The following PRKACB variants were observed in gnomAD, a reference collection of about 807,000 sequenced individuals.
PRKACB encodes the protein protein kinase cAMP-activated catalytic subunit beta, also known as cAMP-dependent protein kinase catalytic subunit beta.
A neutral mutation model predicts 51.4 loss-of-function variants in PRKACB; 16 were observed. The ratio of observed to expected loss-of-function variants is 0.31; its 90% confidence interval spans 0.21 to 0.47. The LOEUF (loss-of-function observed/expected upper bound fraction) is 0.47, where lower values mean the gene tolerates loss of function less well. Among genes scored for constraint, PRKACB ranks in the 20% least tolerant of loss-of-function variants. PRKACB has a pLI of 1.00. For synonymous variants in PRKACB, 147 were observed against 154.4 expected (o/e 0.95, Z 0.35); for missense variants, 309 against 464.5 (o/e 0.67, Z 3.08).
chr1:84,131,869 T>C (rs1652251178), intron 1 of PRKACB, among the ~76,000 whole-genome samples: 1 of 152,220 alleles, frequency 6.6e-6, no homozygotes, highest in Admixed American at 6.5e-5. Flanking sequence ...GTTTTGCTTC[T>C]ATGTATTTTA....
intron 2 of PRKACB, among the ~76,000 whole-genome samples, chr1:84,179,899 A>G (rs1160385658): frequency 6.6e-6 from 1 of 150,922 alleles, no homozygotes; most frequent in African/African-American, 2.4e-5. Flanking sequence ...GCATCCATCA[A>G]CCCGTCATCT....
chr1:84,107,166 A>G (rs1171063211), intron 1 of PRKACB, among the ~76,000 whole-genome samples: 2 of 152,132 alleles, frequency 1.3e-5, no homozygotes, highest in Non-Finnish European at 2.9e-5. Flanking sequence ...TAAAACATAT[A>G]TAAAATGGAT....
intron 9 of PRKACB, among the ~76,000 whole-genome samples, chr1:84,234,520 C>T (rs1394080575): frequency 6.6e-6 from 1 of 152,248 alleles, no homozygotes. Context: ...AGCCTCACTG[C>T]CACCTTGCAG....
chr1:84,223,866 T>C (rs1674144890), intron 9 of PRKACB, among the ~76,000 whole-genome samples: 1 of 152,242 alleles, frequency 6.6e-6, no homozygotes, highest in Non-Finnish European at 1.5e-5. Flanking sequence ...AATTATGTTC[T>C]TTTGGAGGTG....
intron 1 of PRKACB, among the ~76,000 whole-genome samples, chr1:84,120,584 A>G (rs1392218181): frequency 6.6e-6 from 1 of 152,128 alleles, no homozygotes; most frequent in African/African-American, 2.4e-5. Flanking sequence ...GACTATGAAT[A>G]TGAAAGCATT....
intron 1 of PRKACB, among the ~76,000 whole-genome samples, chr1:84,136,085 G>A (rs1381539784): frequency 6.6e-6 from 1 of 151,916 alleles, no homozygotes; most frequent in Non-Finnish European, 1.5e-5. Context: ...GCATCCATGG[G>A]CATTAAAAAG....
At chr1:84,155,485 A>G (rs1655383756) in intron 1 of PRKACB, among the ~76,000 whole-genome samples, 1 of 152,216 alleles carries the variant, frequency 6.6e-6, no homozygotes, top group Non-Finnish European at 1.5e-5. Flanking sequence ...CCAAAGTTTC[A>G]ATGACAGGTT....
rs2100869766 is a variant in PRKACB, at chr1:84,117,505, C to G, written c.46+39134C>G. On this transcript the variant is annotated intron_variant, in intron 1 of 8. Transcript: ENST00000370688. ...CTTGTTATTGAACTATTCAGATTTT[C>G]TATTTCTTCCTGATTTCATGTTAGT... 1.3e-5 allele frequency among the ~76,000 whole-genome samples: 2 copies of G among 152,214 alleles called. 1 individual carries two copies. The highest frequency in any genetic ancestry group is 1.3e-4 in the Admixed American group (2 of 15,292).
intron 1 of PRKACB, 121 bp from the exon 2 acceptor site, chr1:84,179,056 T>C: frequency 8.7e-7 from 1 of 1,151,810 alleles, no homozygotes; most frequent in Non-Finnish European, 1.2e-6. Context: ...TAAATATACA[T>C]TTTATCACAA....
intron 2 of PRKACB, 82 bp from the exon 3 acceptor site, chr1:84,182,118 T>A: frequency 1.9e-6 from 2 of 1,032,894 alleles, no homozygotes; most frequent in Non-Finnish European, 2.6e-6. Flanking sequence ...TTATCCATTA[T>A]GATTATGTAT....
chr1:84,220,725 A>G (rs892552066), intron 9 of PRKACB, among the ~76,000 whole-genome samples: 6 of 152,086 alleles, frequency 3.9e-5, no homozygotes, highest in Non-Finnish European at 8.8e-5. Flanking sequence ...TCATTCTACT[A>G]AAGTGATGTA....
chr1:84,186,468 C>T (rs1665149674), intron 5 of PRKACB, among the ~76,000 whole-genome samples: 1 of 152,066 alleles, frequency 6.6e-6, no homozygotes, highest in Non-Finnish European at 1.5e-5. Context: ...ATCCACCCTC[C>T]TTGGCCTCCC....
At chr1:84,157,200 C>T (rs1235089736) in intron 1 of PRKACB, 1 of 152,078 alleles carries the variant, frequency 6.6e-6, no homozygotes, top group African/African-American at 2.4e-5. Flanking sequence ...TCTCTGTTTA[C>T]CACAGAGTAT....
chr1:84,163,222 TTTCCA>T (rs1481836018), intron 1 of PRKACB, among the ~76,000 whole-genome samples: 1 of 151,994 alleles, frequency 6.6e-6, no homozygotes, highest in East Asian at 1.9e-4. Flanking sequence ...CAGCTTTAAC[TTTCCA>T]CTGGGCCCTC....
intron 1 of PRKACB, chr1:84,078,434 C>T (rs1445023721): frequency 5.7e-6 from 9 of 1,577,138 alleles, no homozygotes; most frequent in Non-Finnish European, 7.8e-6. Flanking sequence ...CGAGCGCCCT[C>T]CGGGTCGCAG....
At chr1:84,162,459 C>A (rs1656322060) in intron 1 of PRKACB, among the ~76,000 whole-genome samples, 1 of 151,934 alleles carries the variant, frequency 6.6e-6, no homozygotes, top group African/African-American at 2.4e-5. Context: ...GTTTCTCAGG[C>A]TCTGTCCACT....
At position 84,209,322 on chromosome 1, in the gene PRKACB, T is replaced by C. The variant is rs556720133; in HGVS notation, c.907-4831T>C. 4.6e-5 allele frequency among the ~76,000 whole-genome samples: 7 copies of C among 152,224 alleles called. No homozygotes were observed. In the South Asian group the frequency reaches 1.5e-3, roughly 32 times the overall value. Reference sequence around the variant, plus strand: ...AATCTTCACTTGGATATCTGATACCTCAAATTCAACCTGTCTAAAACTGAC... The same window carrying C: ...AATCTTCACTTGGATATCTGATACCCCAAATTCAACCTGTCTAAAACTGAC... On this transcript the variant is annotated intron_variant, in intron 8 of 9. Coordinates refer to ENST00000370685, the MANE Select transcript of PRKACB (RefSeq NM_182948.4).
intron 1 of PRKACB, among the ~76,000 whole-genome samples, chr1:84,178,397 T>G (rs1662069618): frequency 6.6e-6 from 1 of 152,028 alleles, no homozygotes; most frequent in South Asian, 2.1e-4. Flanking sequence ...GGGGAAAGTT[T>G]TAACTGGTTC....
At chr1:84,234,870 G>A (rs527533745) in intron 9 of PRKACB, among the ~76,000 whole-genome samples, 28 of 152,254 alleles carry the variant, frequency 1.8e-4, no homozygotes, top group Admixed American at 5.9e-4. Context: ...GAAATCACCC[G>A]TCTTCTGTGT....
Sources: allele counts gnomAD v4.1 joint callset (sites outside exome capture counted in the v4.1 genomes callset), GRCh38; gene constraint gnomAD v4.1.1; transcripts MANE v1.5; gene names NCBI Gene and HGNC (gene_info 2026-07-23, HGNC 2026-07-21).